Variants in LMAN2 observed in about 807,000 individuals in gnomAD.
LMAN2 encodes lectin, mannose binding 2.
Under a neutral mutation model 39.3 loss-of-function variants are expected in LMAN2, and 22 were observed. That is an observed-to-expected ratio of 0.56 (90% CI 0.40 to 0.80). LMAN2 has a LOEUF of 0.80. LMAN2 is among the 30% of genes least tolerant of loss of function. The pLI is 0.00. For missense variants in LMAN2, 494 were observed against 505.4 expected, an observed-to-expected ratio of 0.98 and a Z score of 0.22; for synonymous variants, 207 against 207.8, an observed-to-expected ratio of 1.00 and a Z score of 0.03.
chr5:177,334,715 A>G (rs2127313949), intron 6 of LMAN2, among the ~76,000 whole-genome samples: 1 of 152,336 alleles, frequency 6.6e-6, no homozygotes, highest in African/African-American at 2.4e-5. Flanking sequence ...GATGATCTCC[A>G]TCTGTGTGGT....
intron 2 of LMAN2, among the ~76,000 whole-genome samples, chr5:177,342,132 C>T (rs1213383993): frequency 3.3e-5 from 5 of 152,038 alleles, no homozygotes. Flanking sequence ...AAACAAAACC[C>T]AAGGGCACCT....
intron 2 of LMAN2, among the ~76,000 whole-genome samples, chr5:177,342,058 T>C (rs185963851): frequency 4.5e-4 from 68 of 152,208 alleles, no homozygotes; most frequent in African/African-American, 1.6e-3. Context: ...TAGAGTAAGA[T>C]AGCAGATTAA....
At chr5:177,351,341 A>C (rs764103707) in intron 1 of LMAN2, 50 bp from the exon 2 acceptor site, 2 of 1,605,794 alleles carry the variant, frequency 1.2e-6, no homozygotes, top group Non-Finnish European at 1.7e-6. Flanking sequence ...TGGCCTCACC[A>C]GAGGCAGGAA....
rs767510847 is a variant in LMAN2 at position 177,338,558 on chromosome 5, G to C, written c.363C>G (p.His121Gln). The change falls in exon 3 of 8, where the codon CAC becomes CAG. Residue 121 changes from histidine to glutamine, a missense_variant. Transcript: ENST00000303127. Reference sequence around the variant, plus strand: ...CATGGAGGTTCTTCTTCCCTGTGCCGTGGACTTTGAAGTGGACGTGCATTT... The same window carrying C: ...CATGGAGGTTCTTCTTCCCTGTGCCCTGGACTTTGAAGTGGACGTGCATTT... The part of the protein sequence containing the change: ...DWEMHVHFKV[H>Q]GTGKKNLHGD... 2 of 1,614,106 alleles carry C rather than the reference G, an allele frequency of 1.2e-6. No homozygotes were observed. The highest frequency in any genetic ancestry group is 1.7e-6 in the Non-Finnish European group (2 of 1,180,038).
At chr5:177,335,121 C>T (rs1761450706) in intron 6 of LMAN2, among the ~76,000 whole-genome samples, 1 of 152,178 alleles carries the variant, frequency 6.6e-6, no homozygotes, top group African/African-American at 2.4e-5. Context: ...TGAGGAAAGG[C>T]CTTGTTGAAG....
Position 177,351,517 on chromosome 5 carries a change from G to A in LMAN2, c.131C>T (p.Ala44Val), listed in dbSNP as rs1226633103. Residue 44 changes from alanine (A) to valine (V), a missense_variant, in exon 1 of 8, where the codon GCG becomes GTG. Ala to Val is a moderately conservative substitution (Grantham distance 64). Coordinates refer to ENST00000303127, the MANE Select transcript of LMAN2 (RefSeq NM_006816.3). The stretch of plus-strand genomic sequence containing the variant: ...TTCACTGTTGCCGTCAGTTATATCC[G>A]CAGTCACAGACCCCAACAACAAAAG... ...FLLLLLGSVTADITDGNSEHL... is the reference protein window; with the variant it reads ...FLLLLLGSVTVDITDGNSEHL... 6.2e-7 allele frequency: 1 copy of A among 1,614,256 alleles called. No homozygotes were observed. The highest frequency in any genetic ancestry group is 8.5e-7 in the Non-Finnish European group (1 of 1,180,038).
intron 2 of LMAN2, among the ~76,000 whole-genome samples, chr5:177,342,583 G>A (rs148593930): frequency 7.4e-4 from 112 of 152,256 alleles, no homozygotes; most frequent in Non-Finnish European, 1.3e-3. Context: ...CTACTTGTGG[G>A]GCTGAGGCAG....
rs1190647069 is a variant in LMAN2 at position 177,332,757 on chromosome 5, A to G, written c.911-511T>C. ...GCCCACAGCCTCTCTCCTCCACACA[A>G]GGTTCCCACAGGTCCTGCCCATCCT... On this transcript the variant is annotated intron_variant, in intron 7 of 7. Transcript: ENST00000303127. The surrounding 1 kb of genome is among the most constrained non-coding windows in gnomAD (Gnocchi z 6.3). Among the ~76,000 whole-genome samples, 1 of 151,982 alleles carries G rather than the reference A, an allele frequency of 6.6e-6. No individual in the cohort carries two copies. The highest frequency in any genetic ancestry group is 6.5e-5 in the Admixed American group (1 of 15,280).
In LMAN2 at chr5:177,331,862, C is replaced by A. The variant is rs1761389407; in HGVS notation, c.*224G>T. The stretch of plus-strand genomic sequence containing the variant: ...AGACCCCTGCTCCTGAGACACCAGC[C>A]CCAGGAGAGCCTCCGTCTCCAGCTG... On this transcript the variant is annotated 3_prime_UTR_variant, in exon 8 of 8. Transcript: ENST00000303127. The A allele has an allele frequency of 1.2e-5, 6 of 513,392 alleles. No homozygotes were observed. Among genetic ancestry groups the A allele is most frequent in the African/African-American group, 1.9e-5 (1 of 52,456 alleles). The allele number at this position is 513,392 out of a possible 1,614,324, so 31.8% of individuals were successfully genotyped here.
At chr5:177,334,722 T>C (rs942285875) in intron 6 of LMAN2, among the ~76,000 whole-genome samples, 1 of 152,152 alleles carries the variant, frequency 6.6e-6, no homozygotes, top group African/African-American at 2.4e-5. Flanking sequence ...TCCATCTGTG[T>C]GGTTGCCATG....
intron 2 of LMAN2, among the ~76,000 whole-genome samples, chr5:177,339,100 T>C (rs1761516595): frequency 6.6e-6 from 1 of 152,240 alleles, no homozygotes; most frequent in African/African-American, 2.4e-5. Flanking sequence ...GCTTTCTGAC[T>C]CCGAGAGCTC....
chr5:177,346,900 C>T (rs1561607317), intron 2 of LMAN2, among the ~76,000 whole-genome samples: 1 of 152,064 alleles, frequency 6.6e-6, no homozygotes, highest in Non-Finnish European at 1.5e-5. Flanking sequence ...TCAATCTTAA[C>T]CCTGGCTGCA....
At chr5:177,339,960 A>C (rs535253584) in intron 2 of LMAN2, among the ~76,000 whole-genome samples, 1 of 152,330 alleles carries the variant, frequency 6.6e-6, no homozygotes, top group East Asian at 1.9e-4. Flanking sequence ...CCCCGAGAGC[A>C]CAAAAGAATG....
intron 2 of LMAN2, among the ~76,000 whole-genome samples, chr5:177,347,545 A>G (rs1224600660): frequency 1.3e-5 from 2 of 152,170 alleles, no homozygotes; most frequent in Non-Finnish European, 2.9e-5. Context: ...GACAAACACG[A>G]TATGACCACA....
At position 177,337,701 on chromosome 5, in the gene LMAN2, C is replaced by G. The variant is rs772517405; in HGVS notation, c.513+5G>C. ...CCTGCTCAGCAGGATAGAGCAGGGG[C>G]CTACCTCAGTGGTCTCATCATTGGG... On this transcript the variant is annotated splice_donor_5th_base_variant and intron_variant, in intron 4 of 7. Transcript: ENST00000303127. The surrounding 1 kb of genome is among the most constrained non-coding windows in gnomAD (Gnocchi z 8.2). The G allele has an allele frequency of 1.2e-6, 2 of 1,613,684 alleles. No individual in the cohort carries two copies. Among genetic ancestry groups the G allele is most frequent in the South Asian group, 2.2e-5 (2 of 91,020 alleles).
intron 6 of LMAN2, chr5:177,336,778 C>G (rs537470686): frequency 2.6e-6 from 1 of 381,368 alleles, no homozygotes; most frequent in Non-Finnish European, 4.9e-6. Context: ...CTAACTGACC[C>G]GCTGCCTCCT....
At chr5:177,339,915 C>A (rs1388186108) in intron 2 of LMAN2, among the ~76,000 whole-genome samples, 1 of 152,152 alleles carries the variant, frequency 6.6e-6, no homozygotes, top group Non-Finnish European at 1.5e-5. Flanking sequence ...CCACTCTGGG[C>A]ACCAGGAACC....
At chr5:177,338,709 C>T (rs945532938) in intron 2 of LMAN2, 104 bp from the exon 3 acceptor site, 10 of 887,674 alleles carry the variant, frequency 1.1e-5, no homozygotes, top group Admixed American at 5.4e-5. Flanking sequence ...TCTTCTCTCC[C>T]CAGCTAAGAC....
intron 2 of LMAN2, among the ~76,000 whole-genome samples, chr5:177,340,676 G>A (rs184487201): frequency 5.3e-5 from 8 of 152,048 alleles, no homozygotes; most frequent in South Asian, 2.1e-4. Flanking sequence ...AGGCTGAGGC[G>A]GGAGAACTGC....
Sources: gnomAD v4.1 joint callset for allele counts (sites outside exome capture counted in the v4.1 genomes callset) on GRCh38, gnomAD v4.1.1 for gene constraint, Gnocchi (gnomAD v3.1) non-coding constraint, MANE v1.5 for transcripts, NCBI Gene and HGNC (gene_info 2026-07-23, HGNC 2026-07-21) for gene names.